Variants in UBE2O observed in about 807,000 individuals in gnomAD.
UBE2O encodes ubiquitin conjugating enzyme E2 O.
UBE2O carries 15 observed loss-of-function variants against 125.8 expected under a neutral mutation model. That is an observed-to-expected ratio of 0.12 (90% CI 0.08 to 0.18). The LOEUF is 0.18. Among genes scored for constraint, UBE2O ranks in the 10% least tolerant of loss-of-function variants. UBE2O has a pLI of 1.00. For missense variants in UBE2O, 1,280 were observed against 1,723.6 expected (o/e 0.74, Z 4.56); for synonymous variants, 708 against 703.2 (o/e 1.01, Z -0.11).
intron 1 of UBE2O, among the ~76,000 whole-genome samples, chr17:76,447,295 G>T (rs959359498): frequency 1.3e-5 from 2 of 152,210 alleles, no homozygotes; most frequent in African/African-American, 4.8e-5. Context: ...ACTTAGAAGT[G>T]TGACACTGGG....
chr17:76,431,933 A>G lies in UBE2O; in HGVS notation c.417+20792T>C, dbSNP rs981094573. On this transcript the variant is annotated intron_variant, in intron 1 of 17. Coordinates refer to ENST00000319380, the MANE Select transcript of UBE2O (RefSeq NM_022066.4). ...TGGATTGCTGTGATCTAACCATGAC[A>G]GTCAGAACTGATCCAGGCTTAGGGT... Among the ~76,000 whole-genome samples, 8 of 152,366 alleles carry G rather than the reference A, an allele frequency of 5.3e-5. No homozygotes were observed. In the East Asian group the frequency reaches 1.3e-3, roughly 26 times the overall value.
In UBE2O at chr17:76,398,306, G is replaced by A. The variant is rs768927371; in HGVS notation, c.1974C>T (p.Ile658=). The A allele has an allele frequency of 5.0e-6, 8 of 1,614,176 alleles. No individual in the cohort carries two copies. Among genetic ancestry groups the A allele is most frequent in the Non-Finnish European group, 3.4e-6 (4 of 1,180,032 alleles). The stretch of plus-strand genomic sequence containing the variant: ...CCTCAGTATTGCCGATGCGGATGAC[G>A]ATGTCAGTTGTACGGAACCTAAAGT... The part of the protein sequence containing the change: ...HPDFRFRTTD[I]VIRIGNTEDG... Residue 658 remains isoleucine, a synonymous_variant, in exon 12 of 18, where the codon ATC becomes ATT. Transcript: ENST00000319380. The surrounding 1 kb of genome is among the most constrained non-coding windows in gnomAD (Gnocchi z 5.4).
chr17:76,419,283 C>CAA (rs35062714), intron 1 of UBE2O, among the ~76,000 whole-genome samples: 988 of 63,138 alleles, frequency 0.016, 22 homozygotes, highest in African/African-American at 0.055. Flanking sequence ...GACCCTATCT[C>CAA]AAAAAAAAAA....
At chr17:76,451,896 T>C (rs938127807) in intron 1 of UBE2O, among the ~76,000 whole-genome samples, 2 of 152,092 alleles carry the variant, frequency 1.3e-5, no homozygotes, top group African/African-American at 4.8e-5. Context: ...CCTCTTTGTT[T>C]TGTAAAACTG....
intron 1 of UBE2O, among the ~76,000 whole-genome samples, chr17:76,435,457 A>ACACACAC (rs1313341341): frequency 1.5e-5 from 2 of 132,884 alleles, no homozygotes; most frequent in African/African-American, 3.0e-5. Flanking sequence ...CACACACACA[A>ACACACAC]AGATTAAGAT....
intron 1 of UBE2O, among the ~76,000 whole-genome samples, chr17:76,450,497 A>C (rs1299823650): frequency 6.6e-6 from 1 of 152,072 alleles, no homozygotes; most frequent in Admixed American, 6.5e-5. Context: ...GCTTTTGCTA[A>C]ACCCAGATGC....
Position 76,405,191 on chromosome 17 carries a change from A to G in UBE2O, c.588+15T>C, listed in dbSNP as rs755264808. 1.9e-6 allele frequency: 3 copies of G among 1,583,782 alleles called. No individual in the cohort carries two copies. The highest frequency in any genetic ancestry group is 2.3e-5 in the East Asian group (1 of 44,258). On this transcript the variant is annotated intron_variant, in intron 3 of 17. Coordinates refer to ENST00000319380, the MANE Select transcript of UBE2O (RefSeq NM_022066.4). The surrounding 1 kb of genome is among the most constrained non-coding windows in gnomAD (Gnocchi z 6.1). Reference sequence around the variant, plus strand: ...AGGGCCCAGAAAGGATGATGAGAAGACAGGGCCGGCTCACCCAGATGTGCT... The same window carrying G: ...AGGGCCCAGAAAGGATGATGAGAAGGCAGGGCCGGCTCACCCAGATGTGCT...
At chr17:76,418,714 C>T (rs1471404214) in intron 1 of UBE2O, among the ~76,000 whole-genome samples, 5 of 152,074 alleles carry the variant, frequency 3.3e-5, no homozygotes, top group Non-Finnish European at 7.3e-5. Flanking sequence ...GGACTACAGG[C>T]ACCCGCCACC....
chr17:76,433,183 CACA>C (rs146627981), intron 1 of UBE2O, among the ~76,000 whole-genome samples: 9,569 of 151,816 alleles, frequency 0.063, 360 homozygotes, highest in South Asian at 0.12. Context: ...GTGAAAATGA[CACA>C]ACAACAAATG....
chr17:76,392,127 G>C lies in UBE2O; in HGVS notation c.2947-14C>G. 2 of 1,121,434 alleles carry C rather than the reference G, an allele frequency of 1.8e-6. No individual in the cohort carries two copies. The highest frequency in any genetic ancestry group is 2.5e-6 in the Non-Finnish European group (2 of 798,692). 69.5% of individuals were successfully genotyped at this position (1,121,434 alleles called of 1,614,324 possible). On this transcript the variant is annotated splice_polypyrimidine_tract_variant and intron_variant, in intron 15 of 17. Coordinates refer to ENST00000319380, the MANE Select transcript of UBE2O (RefSeq NM_022066.4). ...TGAGAAGAGGTCCTAGGTAGGGAGG[G>C]AGGGAGGGAGGCCAAGGTTGGCAGG...
At chr17:76,419,985 C>A (rs1258711937) in intron 1 of UBE2O, among the ~76,000 whole-genome samples, 1 of 152,184 alleles carries the variant, frequency 6.6e-6, no homozygotes, top group Non-Finnish European at 1.5e-5. Context: ...CACCTCCCTG[C>A]AACTGCGAAT....
intron 1 of UBE2O, among the ~76,000 whole-genome samples, chr17:76,443,357 C>T (rs933434572): frequency 3.3e-5 from 5 of 152,118 alleles, no homozygotes; most frequent in African/African-American, 7.2e-5. Flanking sequence ...GGCACGATCT[C>T]GGCTCACTGC....
At chr17:76,417,867 A>G (rs966594173) in intron 1 of UBE2O, among the ~76,000 whole-genome samples, 1 of 152,218 alleles carries the variant, frequency 6.6e-6, no homozygotes, top group Admixed American at 6.5e-5. Flanking sequence ...CTGCACCTGC[A>G]GAATTGGGCA....
rs1567837267 is a variant in UBE2O, at chr17:76,404,850, A to C, written c.588+356T>G. Reference sequence around the variant, plus strand: ...CTTAACAGCTGAGGAACCTGGATGGAGGGACACAGGAATTTACAACTTTTG... The same window carrying C: ...CTTAACAGCTGAGGAACCTGGATGGCGGGACACAGGAATTTACAACTTTTG... On this transcript the variant is annotated intron_variant, in intron 3 of 17. Transcript: ENST00000319380. The surrounding 1 kb of genome is among the most constrained non-coding windows in gnomAD (Gnocchi z 4.3). 6.6e-6 allele frequency among the ~76,000 whole-genome samples: 1 copy of C among 152,188 alleles called. No individual in the cohort carries two copies. The highest frequency in any genetic ancestry group is 1.9e-4 in the East Asian group (1 of 5,206).
chr17:76,406,359 C>T (rs1042836300), intron 1 of UBE2O, among the ~76,000 whole-genome samples: 2 of 152,146 alleles, frequency 1.3e-5, no homozygotes, highest in African/African-American at 2.4e-5. Flanking sequence ...TTCACTGGGT[C>T]ATAATCATGG....
At chr17:76,450,770 C>G (rs554958445) in intron 1 of UBE2O, among the ~76,000 whole-genome samples, 1 of 152,124 alleles carries the variant, frequency 6.6e-6, no homozygotes, top group Non-Finnish European at 1.5e-5. Context: ...TACAGGCATG[C>G]GCCACCAAGC....
chr17:76,400,093 T>C lies in UBE2O; in HGVS notation c.1155+54A>G. The C allele has an allele frequency of 6.3e-7, 1 of 1,581,544 alleles. No individual in the cohort carries two copies. Among genetic ancestry groups the C allele is most frequent in the South Asian group, 1.2e-5 (1 of 86,064 alleles). ...AGACTGTCCTTCTTGGCCATGGAAA[T>C]GGCTCAAGGCCAGTTCCTCAAATGC... On this transcript the variant is annotated intron_variant, in intron 8 of 17. Coordinates refer to ENST00000319380, the MANE Select transcript of UBE2O (RefSeq NM_022066.4). This position sits in a 1 kb window ranked among gnomAD's most constrained non-coding sequence, Gnocchi z 4.3.
Position 76,398,020 on chromosome 17 carries a change from T to A in UBE2O, c.2026-132A>T. 9.2e-7 allele frequency: 1 copy of A among 1,085,290 alleles called. No individual in the cohort carries two copies. Among genetic ancestry groups the A allele is most frequent in the Non-Finnish European group, 1.3e-6 (1 of 744,786 alleles). 67.2% of individuals were successfully genotyped at this position (1,085,290 alleles called of 1,614,324 possible). A position where few individuals can be genotyped will look rare whatever the true frequency, so the allele number is the denominator to read the frequency against. ...AGGAACTTAGCTCCTCTGGTAAATG[T>A]AACCAGCGGCAGCTCAAGAAGCCTG... On this transcript the variant is annotated intron_variant, in intron 12 of 17. Coordinates refer to ENST00000319380, the MANE Select transcript of UBE2O (RefSeq NM_022066.4). The surrounding 1 kb of genome is among the most constrained non-coding windows in gnomAD (Gnocchi z 5.4).
chr17:76,436,587 C>T (rs762018432), intron 1 of UBE2O, among the ~76,000 whole-genome samples: 4 of 152,116 alleles, frequency 2.6e-5, no homozygotes, highest in Non-Finnish European at 5.9e-5. Flanking sequence ...CAGGCCCCTG[C>T]CCTGCACGCT....
Sources: gnomAD v4.1 joint callset for allele counts (sites outside exome capture counted in the v4.1 genomes callset) on GRCh38, gnomAD v4.1.1 for gene constraint, Gnocchi (gnomAD v3.1) non-coding constraint, MANE v1.5 for transcripts, NCBI Gene and HGNC (gene_info 2026-07-23, HGNC 2026-07-21) for gene names.